RMST: variants seen among roughly 807,000 people sequenced by gnomAD.
The protein encoded by RMST is long intergenic non-protein coding RNA 54.
intron 5 of RMST, among the ~76,000 whole-genome samples, chr12:97,467,891 T>A (rs1461489916): frequency 6.6e-6 from 1 of 152,040 alleles, no homozygotes; most frequent in East Asian, 1.9e-4. Flanking sequence ...GGCTTTGGTA[T>A]GTTCATGGGA....
intron 5 of RMST, among the ~76,000 whole-genome samples, chr12:97,487,954 C>T (rs559834558): frequency 3.3e-5 from 5 of 152,316 alleles, no homozygotes; most frequent in Admixed American, 6.5e-5. Context: ...ACACTTCAAC[C>T]GTCTCCTTCT....
At chr12:97,522,885 T>A (rs1050501650) in intron 10 of RMST, among the ~76,000 whole-genome samples, 6 of 152,202 alleles carry the variant, frequency 3.9e-5, no homozygotes, top group African/African-American at 1.4e-4. Flanking sequence ...GATTATGGGC[T>A]TTAGGATTTT....
At chr12:97,541,806 A>G (rs891354880) in intron 11 of RMST, among the ~76,000 whole-genome samples, 1 of 151,812 alleles carries the variant, frequency 6.6e-6, no homozygotes, top group Non-Finnish European at 1.5e-5. Flanking sequence ...TGACCCAAGG[A>G]AGCCATTGGA....
chr12:97,469,743 G>A (rs1382210951), intron 5 of RMST, among the ~76,000 whole-genome samples: 1 of 152,016 alleles, frequency 6.6e-6, no homozygotes, highest in Non-Finnish European at 1.5e-5. Context: ...AAGATGTTCA[G>A]AATAAAGCAG....
At chr12:97,549,683 G>C (rs932950724) in intron 11 of RMST, among the ~76,000 whole-genome samples, 4 of 152,176 alleles carry the variant, frequency 2.6e-5, no homozygotes, top group Admixed American at 6.5e-5. Flanking sequence ...AGGCAGCACG[G>C]TTGTCAAGAA....
intron 5 of RMST, among the ~76,000 whole-genome samples, chr12:97,490,004 C>G (rs914943195): frequency 4.6e-5 from 7 of 152,192 alleles, no homozygotes; most frequent in Non-Finnish European, 1.0e-4. Flanking sequence ...GGTACATGCT[C>G]TATTCCTAGG....
intron 3 of RMST, chr12:97,463,011 T>C (rs1440185635): frequency 2.1e-5 from 2 of 93,132 alleles, no homozygotes; most frequent in Non-Finnish European, 4.8e-5. Context: ...TAGTCTCAAG[T>C]CAGCAGTCTC....
At position 97,544,568 on chromosome 12, in the gene RMST, C is replaced by T. The variant is rs138831782; in HGVS notation, n.1545+13709C>T. Among the ~76,000 whole-genome samples, 3 of 152,112 alleles carry T rather than the reference C, an allele frequency of 2.0e-5. No individual in the cohort carries two copies. The East Asian group carries it at 5.8e-4, about 29-fold the overall frequency. ...GGGTGTATTTGTGTACTGGGGGAAT[C>T]GAGTTCCATAGCCAGAGATGGTACC... On this transcript the variant is annotated intron_variant and non_coding_transcript_variant, in intron 11 of 13. Coordinates refer to ENST00000640149, the Ensembl canonical transcript of RMST.
At position 97,507,758 on chromosome 12, in the gene RMST, G is replaced by A. The variant is rs143336756; in HGVS notation, n.1340+11702G>A. On this transcript the variant is annotated intron_variant and non_coding_transcript_variant, in intron 10 of 13. Coordinates refer to ENST00000640149, the Ensembl canonical transcript of RMST. ...TTTGTATGTCTTGAGACAGATGAGT[G>A]TTGAATGGAGGAGGTAGTATTTGTG... is the stretch of plus-strand genomic sequence containing the variant. 2.0e-5 allele frequency among the ~76,000 whole-genome samples: 3 copies of A among 152,320 alleles called. No homozygotes were observed. In the East Asian group the frequency reaches 5.8e-4, roughly 29 times the overall value.
intron 5 of RMST, among the ~76,000 whole-genome samples, chr12:97,482,707 ATT>A (rs1491293442): frequency 4.7e-5 from 3 of 64,402 alleles, no homozygotes; most frequent in East Asian, 2.9e-4. Flanking sequence ...TAATAAATAA[ATT>A]TATATTATTT....
intron 5 of RMST, among the ~76,000 whole-genome samples, chr12:97,478,961 C>T (rs1465893163): frequency 6.6e-6 from 1 of 152,026 alleles, no homozygotes; most frequent in Non-Finnish European, 1.5e-5. Flanking sequence ...GGCACTCGGG[C>T]ACCAGTGCTC....
intron 10 of RMST, among the ~76,000 whole-genome samples, chr12:97,517,390 A>G (rs1051068564): frequency 6.6e-6 from 1 of 151,904 alleles, no homozygotes; most frequent in African/African-American, 2.4e-5. Flanking sequence ...ACTCATTGTT[A>G]AAAAATCTGA....
In RMST at chr12:97,547,330, A is replaced by G. The variant is rs114892659; in HGVS notation, n.1546-13207A>G. ...TTCTTCATCTTGGCTGTTGTGAATA[A>G]TGCTACAATGAACATGGGAATGCAG... On this transcript the variant is annotated intron_variant and non_coding_transcript_variant, in intron 11 of 13. Transcript: ENST00000640149. 9.2e-3 allele frequency among the ~76,000 whole-genome samples: 1,400 copies of G among 152,110 alleles called. 25 individuals are homozygous for G. Among genetic ancestry groups the G allele is most frequent in the African/African-American group, 0.032 (1,312 of 41,538 alleles).
At position 97,507,275 on chromosome 12, in the gene RMST, T is replaced by C. The variant is rs1359790968; in HGVS notation, n.1340+11219T>C. 4.2e-5 allele frequency among the ~76,000 whole-genome samples: 6 copies of C among 141,914 alleles called. No homozygotes were observed. The South Asian group carries it at 6.4e-4, about 15-fold the overall frequency. The allele number at this position is 141,914 out of a possible 152,430, so 93.1% of individuals were successfully genotyped here. On this transcript the variant is annotated intron_variant and non_coding_transcript_variant, in intron 10 of 13. Transcript: ENST00000640149. ...TGTTATTGTTTTTTTTTTGTTTTTG[T>C]CTTTTTTTTTTTAAAAAAAAAAAGA... is the stretch of plus-strand genomic sequence containing the variant.
chr12:97,539,462 A>G (rs755944479), intron 11 of RMST, among the ~76,000 whole-genome samples: 1 of 151,584 alleles, frequency 6.6e-6, no homozygotes, highest in Admixed American at 6.6e-5. Flanking sequence ...TTTGTCAGGT[A>G]TGTTTATTTC....
chr12:97,468,367 C>T (rs1208373900), intron 5 of RMST, among the ~76,000 whole-genome samples: 2 of 152,014 alleles, frequency 1.3e-5, no homozygotes, highest in Admixed American at 6.6e-5. Flanking sequence ...TATATAGACT[C>T]GTTACGTCCC....
chr12:97,523,095 G>A (rs907691703), intron 10 of RMST, among the ~76,000 whole-genome samples: 4 of 152,230 alleles, frequency 2.6e-5, no homozygotes, highest in African/African-American at 2.4e-5. Flanking sequence ...TCAGGTAGTC[G>A]TATAAGAAAG....
At chr12:97,475,586 T>TG (rs1874447040) in intron 5 of RMST, among the ~76,000 whole-genome samples, 1 of 123,964 alleles carries the variant, frequency 8.1e-6, no homozygotes, top group Non-Finnish European at 1.7e-5. Context: ...TCTTTTTTTT[T>TG]GTTTTTTTTT....
intron 5 of RMST, among the ~76,000 whole-genome samples, chr12:97,485,386 A>G (rs537398961): frequency 1.5e-3 from 233 of 152,280 alleles, no homozygotes; most frequent in African/African-American, 5.3e-3. Context: ...AAAATTGGTT[A>G]CCTGTACATA....
Sources: allele counts gnomAD v4.1 joint callset (sites outside exome capture counted in the v4.1 genomes callset), GRCh38; gene constraint gnomAD v4.1.1; transcripts MANE v1.5; gene names NCBI Gene and HGNC (gene_info 2026-07-23, HGNC 2026-07-21).